OR1J2: variants seen among roughly 807,000 people sequenced by gnomAD.
OR1J2 encodes olfactory receptor 1J2.
For missense variants in OR1J2, 304 were observed against 246.1 expected (o/e 1.24, Z -1.57); for synonymous variants, 142 against 99.7 (o/e 1.42, Z -2.52).
chr9:122,534,558 A>C, the OR1J2 span, among the ~76,000 whole-genome samples: 1 of 152,178 alleles, frequency 6.6e-6, no homozygotes, highest in Non-Finnish European at 1.5e-5. Context: ...TAGTCACCGA[A>C]CGAAACTGTA....
chr9:122,567,711 A>T, the OR1J2 span: 2 of 1,614,072 alleles, frequency 1.2e-6, no homozygotes, highest in Non-Finnish European at 1.7e-6. Context: ...GACACAGAAG[A>T]TGCTTCCATA....
chr9:122,508,004 C>A (rs1446897629), upstream of OR1J2, among the ~76,000 whole-genome samples: 1 of 151,866 alleles, frequency 6.6e-6, no homozygotes, highest in Non-Finnish European at 1.5e-5. Flanking sequence ...AATGCCACAA[C>A]CAAAGTTTTA....
upstream of OR1J2, among the ~76,000 whole-genome samples, chr9:122,508,038 C>A (rs1828559517): frequency 1.3e-5 from 2 of 151,144 alleles, no homozygotes; most frequent in African/African-American, 2.4e-5. Context: ...TATCTTATTC[C>A]AAAATCTGTG....
the OR1J2 span, among the ~76,000 whole-genome samples, chr9:122,541,452 C>T: frequency 6.6e-6 from 1 of 152,168 alleles, no homozygotes; most frequent in Non-Finnish European, 1.5e-5. Context: ...CTGCACACTG[C>T]TCAAATATTG....
chr9:122,489,297 T>G, the OR1J2 span, among the ~76,000 whole-genome samples: 1 of 146,634 alleles, frequency 6.8e-6, no homozygotes, highest in Non-Finnish European at 1.5e-5. Flanking sequence ...ATATATATAT[T>G]TACACTCGCC....
the OR1J2 span, among the ~76,000 whole-genome samples, chr9:122,499,515 A>G: frequency 0.021 from 3,253 of 151,692 alleles, 120 homozygotes; most frequent in African/African-American, 0.075. Flanking sequence ...AGATCTCTGC[A>G]CAGGAGGGGT....
chr9:122,536,897 T>C, the OR1J2 span, among the ~76,000 whole-genome samples: 9 of 152,218 alleles, frequency 5.9e-5, no homozygotes, highest in African/African-American at 1.9e-4. Context: ...CCGGGTTCTC[T>C]ATTCTGTTCC....
At chr9:122,467,065 G>A in the OR1J2 span, among the ~76,000 whole-genome samples, 4 of 152,042 alleles carry the variant, frequency 2.6e-5, no homozygotes, top group Non-Finnish European at 5.9e-5. Flanking sequence ...GACCTCATAA[G>A]CCACCTGCCT....
the OR1J2 span, among the ~76,000 whole-genome samples, chr9:122,548,603 T>A: frequency 2.0e-5 from 3 of 149,582 alleles, no homozygotes; most frequent in Non-Finnish European, 4.5e-5. Context: ...ATATATATAT[T>A]TTTATTATAC....
chr9:122,511,325 C>T lies in OR1J2; in HGVS notation c.524C>T (p.Pro175Leu). 1.4e-6 allele frequency: 1 copy of T among 728,108 alleles called. No homozygotes were observed. The highest frequency in any genetic ancestry group is 2.5e-6 in the Non-Finnish European group (1 of 393,560). 45.1% of individuals were successfully genotyped at this position (728,108 alleles called of 1,614,324 possible). A position where few individuals can be genotyped will look rare whatever the true frequency, so the allele number is the denominator to read the frequency against. ...TCTTTCTGTGCTGCGAACACCATCCCCCATGTCTTCTGTGACCTTGCTGCC... is the reference window on the plus strand; with the variant it reads ...TCTTTCTGTGCTGCGAACACCATCCTCCATGTCTTCTGTGACCTTGCTGCC... ...RLSFCAANTI[P>L]HVFCDLAALL... Residue 175 changes from proline to leucine, a missense_variant, in exon 1 of 1, where the codon CCC becomes CTC. Coordinates refer to ENST00000335302, the MANE Select transcript of OR1J2 (RefSeq NM_054107.1).
At chr9:122,519,093 T>C in the OR1J2 span, 1 of 1,311,188 alleles carries the variant, frequency 7.6e-7, no homozygotes, top group Non-Finnish European at 1.1e-6. Context: ...TGTTTGTTTC[T>C]GCCTTTTTCA....
At chr9:122,499,678 T>C in the OR1J2 span, among the ~76,000 whole-genome samples, 1 of 152,234 alleles carries the variant, frequency 6.6e-6, no homozygotes, top group African/African-American at 2.4e-5. Flanking sequence ...ACAGGTGCTC[T>C]GAATGCCTGA....
the OR1J2 span, among the ~76,000 whole-genome samples, chr9:122,546,728 G>A: frequency 1.3e-5 from 2 of 152,064 alleles, no homozygotes; most frequent in Admixed American, 6.5e-5. Flanking sequence ...CCTCATTTAC[G>A]CCTGGAAAGT....
chr9:122,477,033 C>G, the OR1J2 span: 3 of 1,613,972 alleles, frequency 1.9e-6, no homozygotes, highest in Non-Finnish European at 8.5e-7. Flanking sequence ...TTAGGGCTCC[C>G]TTAATGTCTT....
the OR1J2 span, among the ~76,000 whole-genome samples, chr9:122,505,256 G>A: frequency 3.3e-5 from 5 of 152,134 alleles, no homozygotes; most frequent in Non-Finnish European, 7.4e-5. Flanking sequence ...AGGTCAAGAG[G>A]CTGCATCTTG....
At position 122,511,165 on chromosome 9, in the gene OR1J2, C is replaced by T. The variant is rs756392940; in HGVS notation, c.364C>T (p.Arg122Ter). The change falls in exon 1 of 1, where the codon CGA (arginine) becomes TGA (stop). Residue 122 changes from arginine to a stop codon, truncating the protein, a stop_gained. Transcript: ENST00000335302. LOFTEE classifies it low-confidence loss of function (END_TRUNC). ...SFLITSMAYD[R>*]YVAICHPLHY... ...CCTTATTACATCAATGGCATATGACCGATATGTTGCCATATGTCACCCTCT... is the reference window on the plus strand; with the variant it reads ...CCTTATTACATCAATGGCATATGACTGATATGTTGCCATATGTCACCCTCT... 5.5e-6 allele frequency: 4 copies of T among 725,864 alleles called. No homozygotes were observed. Among genetic ancestry groups the T allele is most frequent in the East Asian group, 2.5e-5 (1 of 40,722 alleles). 45.0% of individuals were successfully genotyped at this position (725,864 alleles called of 1,614,324 possible).
the OR1J2 span, among the ~76,000 whole-genome samples, chr9:122,577,711 G>T: frequency 1.3e-5 from 2 of 152,184 alleles, no homozygotes; most frequent in African/African-American, 2.4e-5. Context: ...TAACTCTGTA[G>T]AGAATTTGAC....
the OR1J2 span, among the ~76,000 whole-genome samples, chr9:122,550,477 C>G: frequency 1.3e-5 from 2 of 151,292 alleles, no homozygotes; most frequent in African/African-American, 4.8e-5. Context: ...TTTGTGGTGA[C>G]AATAGATGCA....
the OR1J2 span, among the ~76,000 whole-genome samples, chr9:122,486,992 G>A: frequency 0.016 from 2,478 of 151,784 alleles, 68 homozygotes; most frequent in African/African-American, 0.057. Context: ...CTGGATTTAC[G>A]AAGGCAGCTT....
Sources: allele counts gnomAD v4.1 joint callset (sites outside exome capture counted in the v4.1 genomes callset), GRCh38; gene constraint gnomAD v4.1.1; transcripts MANE v1.5; gene names NCBI Gene and HGNC (gene_info 2026-07-23, HGNC 2026-07-21).